CCDC7: variants seen among roughly 807,000 people sequenced by gnomAD.
CCDC7 encodes coiled-coil domain containing 7.
Under a neutral mutation model 196.9 loss-of-function variants are expected in CCDC7, and 183 were observed. That is an observed-to-expected ratio of 0.93 (90% CI 0.82 to 1.05). CCDC7 has a LOEUF of 1.05. Among genes scored for constraint, CCDC7 ranks in the 50% least tolerant of loss-of-function variants. The pLI is 0.00. For missense variants in CCDC7, 1,540 were observed against 1,482.2 expected (o/e 1.04, Z -0.64); for synonymous variants, 525 against 484.6 (o/e 1.08, Z -1.10).
chr10:32,805,661 G>A (rs1406065796), intron 30 of CCDC7, among the ~76,000 whole-genome samples: 1 of 152,182 alleles, frequency 6.6e-6, no homozygotes, highest in Non-Finnish European at 1.5e-5. Context: ...TACAAAGGAA[G>A]GCAGACAGGT....
chr10:32,751,703 T>C (rs1392351983), intron 28 of CCDC7, among the ~76,000 whole-genome samples: 1 of 152,158 alleles, frequency 6.6e-6, no homozygotes, highest in Non-Finnish European at 1.5e-5. Flanking sequence ...CACCTAGCCA[T>C]TTCACTGTTC....
chr10:32,663,255 G>C (rs2071893406), intron 20 of CCDC7, among the ~76,000 whole-genome samples: 1 of 152,014 alleles, frequency 6.6e-6, no homozygotes, highest in African/African-American at 2.4e-5. Flanking sequence ...ATGATCATGA[G>C]GACTCTACAT....
chr10:32,815,055 C>T (rs893487228), intron 31 of CCDC7, among the ~76,000 whole-genome samples: 2 of 152,006 alleles, frequency 1.3e-5, no homozygotes, highest in Admixed American at 6.6e-5. Flanking sequence ...TACACAAACA[C>T]CCCACCACCA....
intron 13 of CCDC7, among the ~76,000 whole-genome samples, chr10:32,562,936 A>AATTGTTTTCCACATTT (rs2056025065): frequency 6.6e-6 from 1 of 152,232 alleles, no homozygotes; most frequent in African/African-American, 2.4e-5. Context: ...GCTTAAGCTG[A>AATTGTTTTCCACATTT]TAAGCAACTT....
At chr10:32,701,590 T>G (rs1208667992) in intron 24 of CCDC7, among the ~76,000 whole-genome samples, 1 of 152,244 alleles carries the variant, frequency 6.6e-6, no homozygotes, top group African/African-American at 2.4e-5. Context: ...TGAGAAGGAA[T>G]GGTACCAGCT....
intron 33 of CCDC7, among the ~76,000 whole-genome samples, chr10:32,842,433 T>C (rs2093032308): frequency 6.6e-6 from 1 of 151,676 alleles, no homozygotes; most frequent in African/African-American, 2.4e-5. Flanking sequence ...CATCAAAAAA[T>C]AAAAAAATAA....
At chr10:32,824,705 G>T (rs117792712) in intron 32 of CCDC7, 101 bp downstream of exon 33, 11,707 of 649,778 alleles carry the variant, frequency 0.018, 134 homozygotes, top group Non-Finnish European at 0.024. Context: ...TAATTATCAC[G>T]TGAGAAAAAG....
intron 29 of CCDC7, among the ~76,000 whole-genome samples, chr10:32,794,143 T>A (rs927509788): frequency 6.6e-6 from 1 of 152,186 alleles, no homozygotes; most frequent in South Asian, 2.1e-4. Context: ...CAGTCCCCAG[T>A]ATCTATTGTT....
intron 8 of CCDC7, among the ~76,000 whole-genome samples, chr10:32,482,138 C>T (rs2040076009): frequency 6.6e-6 from 1 of 151,430 alleles, no homozygotes; most frequent in South Asian, 2.1e-4. Flanking sequence ...TAAATGATAA[C>T]ACTCTTGATG....
intron 41 of CCDC7, among the ~76,000 whole-genome samples, chr10:32,861,731 A>AC (rs139143499): frequency 0.92 from 139,174 of 152,082 alleles, 64,883 homozygotes; most frequent in East Asian, 1. Context: ...CAAGAAAAAA[A>AC]AATCCCATCA....
At chr10:32,696,783 T>C (rs1352580772) in intron 24 of CCDC7, among the ~76,000 whole-genome samples, 1 of 152,204 alleles carries the variant, frequency 6.6e-6, no homozygotes, top group Non-Finnish European at 1.5e-5. Context: ...ATGACTATTT[T>C]TATGTTGCTG....
At chr10:32,680,613 G>A (rs1447848649) in intron 21 of CCDC7, among the ~76,000 whole-genome samples, 2 of 147,650 alleles carry the variant, frequency 1.4e-5, no homozygotes, top group East Asian at 4.0e-4. Context: ...CCCCACCCTG[G>A]GGACACACAT....
chr10:32,495,895 G>T (rs747709512), intron 9 of CCDC7, among the ~76,000 whole-genome samples: 4 of 152,110 alleles, frequency 2.6e-5, no homozygotes, highest in Non-Finnish European at 5.9e-5. Context: ...GGTTCCATAT[G>T]AATTTAAAGT....
intron 8 of CCDC7, among the ~76,000 whole-genome samples, chr10:32,483,048 G>A (rs2040290051): frequency 6.6e-6 from 1 of 152,138 alleles, no homozygotes; most frequent in Non-Finnish European, 1.5e-5. Flanking sequence ...GGTATTTCTA[G>A]TTCTAGATCC....
chr10:32,690,251 TATA>T (rs1206648181), intron 23 of CCDC7, among the ~76,000 whole-genome samples: 1 of 152,190 alleles, frequency 6.6e-6, no homozygotes, highest in Non-Finnish European at 1.5e-5. Context: ...ACTTAAATGA[TATA>T]ATCAATATAA....
intron 9 of CCDC7, among the ~76,000 whole-genome samples, chr10:32,517,012 A>G (rs2047125155): frequency 6.6e-6 from 1 of 152,246 alleles, no homozygotes; most frequent in Non-Finnish European, 1.5e-5. Context: ...TTTGTTGAAA[A>G]TAATCTATGG....
At chr10:32,567,825 A>G (rs2057046880) in exon 15 of CCDC7, 3 of 1,613,688 alleles carry the variant, frequency 1.9e-6, no homozygotes, top group Non-Finnish European at 2.5e-6. Context: ...AGAAAGAAAC[A>G]AGAAAATCAC....
intron 41 of CCDC7, among the ~76,000 whole-genome samples, chr10:32,873,317 T>C (rs754126910): frequency 5.9e-5 from 9 of 152,142 alleles, no homozygotes; most frequent in Non-Finnish European, 1.2e-4. Context: ...TTTCTTCCAG[T>C]TGATCGAATT....
chr10:32,760,010 G>A (rs149622795), intron 28 of CCDC7, among the ~76,000 whole-genome samples: 29,681 of 151,736 alleles, frequency 0.2, 4,534 homozygotes, highest in African/African-American at 0.43. Flanking sequence ...ATCATCACTG[G>A]CCATCAGAGA....
Sources: allele counts gnomAD v4.1 joint callset (sites outside exome capture counted in the v4.1 genomes callset), GRCh38; gene constraint gnomAD v4.1.1; transcripts MANE v1.5; gene names NCBI Gene and HGNC (gene_info 2026-07-23, HGNC 2026-07-21).